The following PCDHGA2 variants were observed in gnomAD, a reference collection of about 807,000 sequenced individuals.
The protein encoded by PCDHGA2 is protocadherin gamma subfamily A, 2, also known as protocadherin gamma-A2.
A neutral mutation model predicts 59.2 loss-of-function variants in PCDHGA2; 40 were observed. The ratio of observed to expected loss-of-function variants is 0.68; its 90% CI spans 0.52 to 0.88. The LOEUF is 0.88. Ranked by LOEUF, PCDHGA2 falls within the 40% of genes least tolerant of loss-of-function variation. PCDHGA2 has a pLI of 0.00. For synonymous variants in PCDHGA2, 560 were observed against 526.0 expected, an observed-to-expected ratio of 1.06 and a Z score of -0.89; for missense variants, 1,226 against 1,204.0, an observed-to-expected ratio of 1.02 and a Z score of -0.27.
At chr5:141,457,167 C>T (rs1465212183) in intron 1 of PCDHGA2, among the ~76,000 whole-genome samples, 1 of 152,114 alleles carries the variant, frequency 6.6e-6, no homozygotes, top group East Asian at 1.9e-4. Context: ...CATGGATAAC[C>T]CTATTGCAAA....
chr5:141,405,185 G>C (rs777099869), intron 1 of PCDHGA2: 4 of 1,613,066 alleles, frequency 2.5e-6, no homozygotes, highest in Non-Finnish European at 3.4e-6. Context: ...GGGTGTAGAT[G>C]GGGTTCGAGC....
chr5:141,415,102 A>C, intron 1 of PCDHGA2: 1 of 1,613,550 alleles, frequency 6.2e-7, no homozygotes. Flanking sequence ...AGACGCGCTC[A>C]AGCAAAGCCT....
intron 1 of PCDHGA2, chr5:141,416,850 T>C (rs2096064812): frequency 6.6e-6 from 1 of 151,902 alleles, no homozygotes; most frequent in South Asian, 2.1e-4. Flanking sequence ...AATTCCATGA[T>C]TTTTTTCAGG....
chr5:141,471,046 C>CTTTT (rs1170588345), intron 1 of PCDHGA2, among the ~76,000 whole-genome samples: 3 of 113,278 alleles, frequency 2.6e-5, no homozygotes, highest in African/African-American at 7.1e-5. Flanking sequence ...CCCAAGCCCT[C>CTTTT]TTTTTTTTTT....
Position 141,486,824 on chromosome 5 carries a change from G to A in PCDHGA2, c.2425-7983G>A, listed in dbSNP as rs749609525. On this transcript the variant is annotated intron_variant, in intron 1 of 3. Coordinates refer to ENST00000394576, the MANE Select transcript of PCDHGA2 (RefSeq NM_018915.4). The surrounding 1 kb of genome is among the most constrained non-coding windows in gnomAD (Gnocchi z 5.0). ...CCCACCCCTTAGCAGCACTGTAACA[G>A]TTCGTCTATTTGTGCTGGACCTCAA... is the stretch of plus-strand genomic sequence containing the variant. 1 of 1,614,218 alleles carries A rather than the reference G, an allele frequency of 6.2e-7. No homozygotes were observed. Among genetic ancestry groups the A allele is most frequent in the Non-Finnish European group, 8.5e-7 (1 of 1,180,028 alleles).
intron 1 of PCDHGA2, chr5:141,393,452 G>A (rs189963623): frequency 6.2e-7 from 1 of 1,614,030 alleles, no homozygotes; most frequent in Non-Finnish European, 8.5e-7. Context: ...TGGTCCTCAC[G>A]GCCTCGGATG....
intron 1 of PCDHGA2, chr5:141,478,182 AT>A: frequency 6.2e-7 from 1 of 1,613,984 alleles, no homozygotes. Context: ...CAGAAAAAAA[AT>A]CTCACCTTTT....
intron 1 of PCDHGA2, chr5:141,385,190 G>C (rs899564761): frequency 3.7e-6 from 6 of 1,614,166 alleles, no homozygotes; most frequent in Non-Finnish European, 5.1e-6. Context: ...GCGGACTCTC[G>C]GAAGAGTCAC....
chr5:141,371,161 C>T, intron 1 of PCDHGA2: 1 of 1,614,006 alleles, frequency 6.2e-7, no homozygotes, highest in South Asian at 1.1e-5. Context: ...GAGAACCTGC[C>T]CGCTGGCTCC....
rs1462148828 is a variant in PCDHGA2 at position 141,392,863 on chromosome 5, G to A, written c.2424+51468G>A. On this transcript the variant is annotated intron_variant, in intron 1 of 3. Transcript: ENST00000394576. ...AGACGCGGCGAGCTGATCCTGCTGT[G>A]CGCGCTGCTGGGAACGCTGTGGGAA... 3 of 1,612,774 alleles carry A rather than the reference G, an allele frequency of 1.9e-6. No individual in the cohort carries two copies. Among genetic ancestry groups the A allele is most frequent in the African/African-American group, 2.7e-5 (2 of 74,930 alleles).
intron 1 of PCDHGA2, among the ~76,000 whole-genome samples, chr5:141,437,505 A>G (rs1429147239): frequency 6.6e-6 from 1 of 152,204 alleles, no homozygotes; most frequent in Non-Finnish European, 1.5e-5. Context: ...TTTTCAATGA[A>G]TTATAAGGCT....
At chr5:141,450,885 T>C (rs1262944058) in intron 1 of PCDHGA2, among the ~76,000 whole-genome samples, 1 of 149,238 alleles carries the variant, frequency 6.7e-6, no homozygotes, top group African/African-American at 2.5e-5. Context: ...TGTGCAGTGG[T>C]GCGATATCGG....
intron 1 of PCDHGA2, chr5:141,402,809 C>A: frequency 4.9e-6 from 6 of 1,214,046 alleles, no homozygotes; most frequent in Non-Finnish European, 6.6e-6. Flanking sequence ...CCGGCAGATA[C>A]CACAAACCTG....
At chr5:141,408,438 C>T (rs749271632) in intron 1 of PCDHGA2, 1 of 1,614,014 alleles carries the variant, frequency 6.2e-7, no homozygotes. Context: ...AGCGTAGACG[C>T]GGAGAGCGGG....
intron 1 of PCDHGA2, among the ~76,000 whole-genome samples, chr5:141,463,302 A>T (rs2099056422): frequency 6.6e-6 from 1 of 151,090 alleles, no homozygotes; most frequent in Non-Finnish European, 1.5e-5. Context: ...ATCTCCCCAA[A>T]CTCTAATATC....
rs1756784292 is a variant in PCDHGA2, at chr5:141,338,863, A to G, written c.-109A>G. 1 of 1,437,040 alleles carries G rather than the reference A, an allele frequency of 7.0e-7. No individual in the cohort carries two copies. The allele number at this position is 1,437,040 out of a possible 1,614,324, so 89.0% of individuals were successfully genotyped here. Reference sequence around the variant, plus strand: ...CGAACAGCCCACCAGTTCTCTCCATAGGGACCTGGGTCCCGTGAATGCTGG... The same window carrying G: ...CGAACAGCCCACCAGTTCTCTCCATGGGGACCTGGGTCCCGTGAATGCTGG... On this transcript the variant is annotated 5_prime_UTR_variant, in exon 1 of 4. In the 5' UTR this introduces an upstream ATG that the reference lacks. Transcript: ENST00000394576.
At chr5:141,509,692 C>T (rs755446680) in intron 3 of PCDHGA2, among the ~76,000 whole-genome samples, 8 of 152,126 alleles carry the variant, frequency 5.3e-5, no homozygotes, top group Non-Finnish European at 1.0e-4. Context: ...TACAGTGGGA[C>T]GTTGGACTGG....
At chr5:141,406,870 G>T (rs903338003) in intron 1 of PCDHGA2, among the ~76,000 whole-genome samples, 1 of 152,230 alleles carries the variant, frequency 6.6e-6, no homozygotes, top group Non-Finnish European at 1.5e-5. Flanking sequence ...CTCAGGAACT[G>T]CTGGGAAGAT....
At chr5:141,358,418 G>C (rs1391552401) in intron 1 of PCDHGA2, among the ~76,000 whole-genome samples, 1 of 152,090 alleles carries the variant, frequency 6.6e-6, no homozygotes, top group African/African-American at 2.4e-5. Context: ...CCTTGAAAGG[G>C]TATTTTCCAT....
Sources: gnomAD v4.1 joint callset for allele counts (sites outside exome capture counted in the v4.1 genomes callset) on GRCh38, gnomAD v4.1.1 for gene constraint, Gnocchi (gnomAD v3.1) non-coding constraint, MANE v1.5 for transcripts, NCBI Gene and HGNC (gene_info 2026-07-23, HGNC 2026-07-21) for gene names.